The following KLHL15 variants were observed in gnomAD, a reference collection of about 807,000 sequenced individuals.
KLHL15 encodes kelch like family member 15.
In KLHL15, 1 loss-of-function variant was observed where a neutral mutation model predicts 29.3. That is an observed-to-expected ratio of 0.03 (90% CI 0.01 to 0.16). The LOEUF is 0.16. Ranked by LOEUF, KLHL15 falls within the 10% of genes least tolerant of loss-of-function variation. The pLI is 1.00. For missense variants in KLHL15, 215 were observed against 478.5 expected, an observed-to-expected ratio of 0.45 and a Z score of 5.14; for synonymous variants, 212 against 184.5, an observed-to-expected ratio of 1.15 and a Z score of -1.21.
chrX:23,999,470 C>T (rs1459767079), intron 3 of KLHL15, among the ~76,000 whole-genome samples: 1 of 108,607 alleles, frequency 9.2e-6, no homozygotes, highest in Non-Finnish European at 1.9e-5. Flanking sequence ...TGGCGGGCGC[C>T]TGTAATCCCA....
rs1286301651 is a variant in KLHL15, at chrX:24,025,035, C to A, written c.-186G>T. The A allele has an allele frequency of 3.4e-6, 1 of 296,838 alleles. No individual in the cohort carries two copies. The highest frequency in any genetic ancestry group is 5.9e-6 in the Non-Finnish European group (1 of 169,803). 24.5% of individuals were successfully genotyped at this position (296,838 alleles called of 1,213,427 possible). A position where few individuals can be genotyped will look rare whatever the true frequency, so the allele number is the denominator to read the frequency against. ...CTCCGGCGGGGCACGAGAGTGCTCG[C>A]CTGCAGCCCCCTCTGGATAAGTCCT... On this transcript the variant is annotated 5_prime_UTR_variant, in exon 2 of 4. Transcript: ENST00000328046.
In KLHL15 at chrX:24,007,504, AAAAAATATAT is replaced by A. The variant is rs1399395024; in HGVS notation, c.-7-814_-7-805del. Among the ~76,000 whole-genome samples the A allele has an allele frequency of 1.5e-3, 85 of 54,963 alleles. 1 individual carries two copies. Among genetic ancestry groups the A allele is most frequent in the African/African-American group, 7.7e-3 (84 of 10,930 alleles). The allele number at this position is 54,963 out of a possible 115,157, so 47.7% of individuals were successfully genotyped here. The stretch of plus-strand genomic sequence containing the variant: ...AGACCCCATTTCCAAAAAAAAAAAA[AAAAAATATAT>A]ATATATATATATATATATATATCAA... On this transcript the variant is annotated intron_variant, in intron 2 of 3. Coordinates refer to ENST00000328046, the MANE Select transcript of KLHL15 (RefSeq NM_030624.3).
At chrX:23,998,955 G>A (rs922915092) in intron 3 of KLHL15, among the ~76,000 whole-genome samples, 6 of 111,127 alleles carry the variant, frequency 5.4e-5, no homozygotes, top group African/African-American at 2.0e-4. Context: ...GCCCAGGCTG[G>A]AGTGCAGTGG....
In KLHL15 at chrX:23,989,042, A is replaced by T; in HGVS notation, c.706-12T>A. 8.6e-7 allele frequency: 1 copy of T among 1,166,750 alleles called. No homozygotes were observed. Among genetic ancestry groups the T allele is most frequent in the African/African-American group, 1.8e-5 (1 of 55,932 alleles). ...TCTGATGTCTTAACCTAAGAACACAAGAAAAAGAATTTAACCAAAGGAAAA... is the reference window on the plus strand; with the variant it reads ...TCTGATGTCTTAACCTAAGAACACATGAAAAAGAATTTAACCAAAGGAAAA... On this transcript the variant is annotated splice_polypyrimidine_tract_variant and intron_variant, in intron 3 of 3. Coordinates refer to ENST00000328046, the MANE Select transcript of KLHL15 (RefSeq NM_030624.3).
At chrX:23,995,127 T>TAC (rs752598095) in intron 3 of KLHL15, among the ~76,000 whole-genome samples, 330 of 111,999 alleles carry the variant, frequency 2.9e-3, no homozygotes, top group African/African-American at 8.5e-3. Flanking sequence ...CACGCATATA[T>TAC]ACACACACAC....
intron 2 of KLHL15, among the ~76,000 whole-genome samples, chrX:24,014,294 T>C (rs1929632162): frequency 9.0e-6 from 1 of 111,354 alleles, no homozygotes; most frequent in Admixed American, 9.7e-5. Flanking sequence ...AATAGAAGGC[T>C]GGAAATTAGT....
chrX:24,007,508 A>AATATATATATAT (rs759758947), intron 2 of KLHL15, among the ~76,000 whole-genome samples: 8 of 35,932 alleles, frequency 2.2e-4, no homozygotes, highest in African/African-American at 1.2e-3. Context: ...AAAAAAAAAA[A>AATATATATATAT]ATATATATAT....
chrX:23,991,993 A>C (rs1929098064), intron 3 of KLHL15, among the ~76,000 whole-genome samples: 1 of 112,374 alleles, frequency 8.9e-6, no homozygotes, highest in Admixed American at 9.5e-5. Context: ...AATACTCTGA[A>C]AATCAGCAAG....
chrX:24,002,643 G>T, intron 3 of KLHL15, among the ~76,000 whole-genome samples: 1 of 107,268 alleles, frequency 9.3e-6, no homozygotes, highest in African/African-American at 3.4e-5. Flanking sequence ...TAGGGGATTG[G>T]GGGGAACAGG....
chrX:24,006,110 A>G lies in KLHL15; in HGVS notation c.584T>C (p.Ile195Thr), dbSNP rs1371021277. Reference sequence around the variant, plus strand: ...AGACTGCACAGCCTCGTACAGCTCTATCTCTGGGAACCTGCTCAGATGATC... The same window carrying G: ...AGACTGCACAGCCTCGTACAGCTCTGTCTCTGGGAACCTGCTCAGATGATC... Reference protein sequence around the residue: ...DNDHLSRFPEIELYEAVQSWL... With the variant: ...DNDHLSRFPETELYEAVQSWL... Residue 195 changes from isoleucine to threonine, a missense_variant, in exon 3 of 4, where the codon ATA becomes ACA. Physicochemically the swap from Ile to Thr is moderately conservative, Grantham distance 89. Coordinates refer to ENST00000328046, the MANE Select transcript of KLHL15 (RefSeq NM_030624.3). 8.3e-7 allele frequency: 1 copy of G among 1,211,376 alleles called. No individual in the cohort carries two copies.
chrX:24,021,378 T>C (rs950586343), intron 2 of KLHL15, among the ~76,000 whole-genome samples: 1 of 111,291 alleles, frequency 9.0e-6, no homozygotes, highest in Non-Finnish European at 1.9e-5. Flanking sequence ...GAGGCCTTCC[T>C]CAAACACCCT....
At chrX:24,024,374 G>T (rs1929875485) in intron 2 of KLHL15, among the ~76,000 whole-genome samples, 1 of 111,952 alleles carries the variant, frequency 8.9e-6, no homozygotes, top group African/African-American at 3.2e-5. Context: ...CTACAGTTAA[G>T]GATTATTTTC....
At chrX:24,011,643 CA>C (rs1287573950) in intron 2 of KLHL15, among the ~76,000 whole-genome samples, 295 of 100,275 alleles carry the variant, frequency 2.9e-3, no homozygotes, top group Non-Finnish European at 5.1e-3. Flanking sequence ...GACTCTGTCT[CA>C]AAAAAAAAAT....
rs1263492847 is a variant in KLHL15, at chrX:24,012,727, ATG to A, written c.-7-6029_-7-6028del. On this transcript the variant is annotated intron_variant, in intron 2 of 3. Coordinates refer to ENST00000328046, the MANE Select transcript of KLHL15 (RefSeq NM_030624.3). ...CCCATTTTGACATCTCAAAATCAAC[ATG>A]TCTAAACAACCAGTTCTGCCCCCAC... is the stretch of plus-strand genomic sequence containing the variant. Among the ~76,000 whole-genome samples the A allele has an allele frequency of 1.6e-4, 18 of 111,298 alleles. No homozygotes were observed. In the East Asian group the frequency reaches 5.1e-3, roughly 31 times the overall value.
At chrX:24,001,510 A>G (rs766671733) in intron 3 of KLHL15, among the ~76,000 whole-genome samples, 2 of 111,327 alleles carry the variant, frequency 1.8e-5, no homozygotes, top group East Asian at 5.6e-4. Context: ...TGTACAAAAA[A>G]AGTCAAGCAT....
chrX:24,003,746 A>C (rs1358449366), intron 3 of KLHL15, among the ~76,000 whole-genome samples: 1 of 106,251 alleles, frequency 9.4e-6, no homozygotes, highest in Non-Finnish European at 1.9e-5. Flanking sequence ...GAAATTTGGA[A>C]GCCTTGGCCT....
chrX:24,024,736 C>T (rs1450295660), intron 2 of KLHL15, 121 bp downstream of exon 2: 3 of 295,846 alleles, frequency 1.0e-5, no homozygotes, highest in Non-Finnish European at 1.8e-5. Flanking sequence ...AAACGAGGTC[C>T]CGGCGTCTAC....
At chrX:24,016,339 C>CA (rs755683770) in intron 2 of KLHL15, among the ~76,000 whole-genome samples, 1,611 of 21,247 alleles carry the variant, frequency 0.076, 68 homozygotes, top group Non-Finnish European at 0.11. Context: ...GACTCTGTCT[C>CA]AAAAAAAAAA....
chrX:23,989,374 A>G (rs1463198141), intron 3 of KLHL15, among the ~76,000 whole-genome samples: 1 of 110,118 alleles, frequency 9.1e-6, no homozygotes, highest in African/African-American at 3.3e-5. Flanking sequence ...ATGAGGTTTC[A>G]TCATCTTGAC....
Sources: allele counts gnomAD v4.1 joint callset (sites outside exome capture counted in the v4.1 genomes callset), GRCh38; gene constraint gnomAD v4.1.1; transcripts MANE v1.5; gene names NCBI Gene and HGNC (gene_info 2026-07-23, HGNC 2026-07-21).